Variants in TTC28 observed in about 807,000 individuals in gnomAD.
TTC28 encodes tetratricopeptide repeat protein 28.
A neutral mutation model predicts 198.0 loss-of-function variants in TTC28; 61 were observed. That is an observed-to-expected ratio of 0.31 (90% CI 0.25 to 0.38). TTC28 has a LOEUF of 0.38. Among genes scored for constraint, TTC28 ranks in the 10% least tolerant of loss-of-function variants. The pLI, the probability that TTC28 is intolerant of heterozygous loss-of-function variation, is 1.00. For synonymous variants in TTC28, 1,171 were observed against 1,297.8 expected (o/e 0.90, Z 2.10); for missense variants, 2,678 against 3,164.0 (o/e 0.85, Z 3.69).
chr22:28,393,028 C>G (rs1330500023), intron 2 of TTC28, among the ~76,000 whole-genome samples: 4 of 152,030 alleles, frequency 2.6e-5, no homozygotes, highest in Non-Finnish European at 5.9e-5. Context: ...AGGTGCAAAC[C>G]ACTATACCCA....
intron 2 of TTC28, among the ~76,000 whole-genome samples, chr22:28,459,072 A>C (rs941228763): frequency 2.0e-5 from 3 of 151,910 alleles, no homozygotes; most frequent in African/African-American, 7.3e-5. Context: ...GGTAGTATTA[A>C]GTGTTTGAGT....
At chr22:28,164,509 C>A (rs536106805) in intron 5 of TTC28, among the ~76,000 whole-genome samples, 4 of 152,334 alleles carry the variant, frequency 2.6e-5, no homozygotes, top group African/African-American at 7.2e-5. Flanking sequence ...TCTACAGCCA[C>A]TGCTGCTGAT....
At chr22:28,547,215 A>AGTGT (rs113464807) in intron 2 of TTC28, among the ~76,000 whole-genome samples, 14 of 149,596 alleles carry the variant, frequency 9.4e-5, no homozygotes, top group East Asian at 2.0e-4. Flanking sequence ...TGTGTGTGTG[A>AGTGT]GTGTGTGTGT....
intron 2 of TTC28, among the ~76,000 whole-genome samples, chr22:28,586,550 T>G (rs1428173310): frequency 6.6e-6 from 1 of 152,008 alleles, no homozygotes; most frequent in Non-Finnish European, 1.5e-5. Flanking sequence ...ACAGATGAAA[T>G]TAAAACCTGA....
chr22:28,638,006 T>C (rs1159278798), intron 1 of TTC28, among the ~76,000 whole-genome samples: 2 of 152,176 alleles, frequency 1.3e-5, no homozygotes, highest in East Asian at 3.8e-4. Flanking sequence ...TAAGAGGGTT[T>C]AATTATAAAT....
At position 28,037,403 on chromosome 22, in the gene TTC28, C is replaced by G. The variant is rs545178588; in HGVS notation, c.3933-7037G>C. Among the ~76,000 whole-genome samples, 33 of 152,240 alleles carry G rather than the reference C, an allele frequency of 2.2e-4. No individual in the cohort carries two copies. In the East Asian group the frequency reaches 5.8e-3, roughly 27 times the overall value. ...AACGTAATCCAGCATATAAACAGAA[C>G]CAATGACAAAAACCACATGATTATC... On this transcript the variant is annotated intron_variant, in intron 12 of 22. Transcript: ENST00000397906.
At chr22:28,551,973 A>G (rs902229380) in intron 2 of TTC28, among the ~76,000 whole-genome samples, 1 of 152,196 alleles carries the variant, frequency 6.6e-6, no homozygotes, top group African/African-American at 2.4e-5. Context: ...ATATACCTAG[A>G]GAACCCTCAA....
At chr22:28,520,569 C>T (rs1428003816) in intron 2 of TTC28, among the ~76,000 whole-genome samples, 7 of 152,122 alleles carry the variant, frequency 4.6e-5, no homozygotes, top group Non-Finnish European at 7.3e-5. Context: ...ATCAAGTGAC[C>T]TTGTCTCTAC....
intron 2 of TTC28, among the ~76,000 whole-genome samples, chr22:28,318,470 G>T (rs2045388224): frequency 6.6e-6 from 1 of 152,114 alleles, no homozygotes; most frequent in African/African-American, 2.4e-5. Flanking sequence ...GAAACCCACT[G>T]CTTGCTTGTT....
intron 5 of TTC28, among the ~76,000 whole-genome samples, chr22:28,191,731 G>A (rs184553719): frequency 1.3e-5 from 2 of 152,274 alleles, no homozygotes; most frequent in East Asian, 1.9e-4. Context: ...AGGTGGAAGC[G>A]AGGCTGGGGG....
chr22:28,099,205 G>C (rs1942067414), intron 9 of TTC28, among the ~76,000 whole-genome samples, 161 bp from the exon 10 acceptor site: 1 of 152,208 alleles, frequency 6.6e-6, no homozygotes, highest in Non-Finnish European at 1.5e-5. Context: ...AAAAATGGAT[G>C]TGCTGCGGTC....
Position 28,639,326 on chromosome 22 carries a change from T to C in TTC28, c.103-9496A>G, listed in dbSNP as rs184913269. ...AAAGGCAGAAGAAATTGTATCAGTT[T>C]ACACTTCTACCAACAATTTATGAGT... On this transcript the variant is annotated intron_variant, in intron 1 of 22. Coordinates refer to ENST00000397906, the MANE Select transcript of TTC28 (RefSeq NM_001145418.2). Among the ~76,000 whole-genome samples the C allele has an allele frequency of 2.0e-5, 3 of 152,374 alleles. No homozygotes were observed. In the East Asian group the frequency reaches 5.8e-4, roughly 29 times the overall value.
At chr22:28,079,661 T>C (rs988113456) in intron 12 of TTC28, among the ~76,000 whole-genome samples, 2 of 152,184 alleles carry the variant, frequency 1.3e-5, no homozygotes, top group African/African-American at 4.8e-5. Flanking sequence ...TTCTTTGTGA[T>C]TGGCTCATTT....
chr22:28,563,204 A>T (rs2049917754), intron 2 of TTC28, among the ~76,000 whole-genome samples: 1 of 152,206 alleles, frequency 6.6e-6, no homozygotes, highest in African/African-American at 2.4e-5. Context: ...ACATTTTTTT[A>T]AAGTTTTTTG....
At chr22:28,211,702 G>A (rs1235109555) in intron 5 of TTC28, among the ~76,000 whole-genome samples, 2 of 152,036 alleles carry the variant, frequency 1.3e-5, no homozygotes, top group Non-Finnish European at 2.9e-5. Context: ...ACACCCCACT[G>A]TCAACATTAG....
chr22:28,602,078 A>C (rs1016761096), intron 2 of TTC28, among the ~76,000 whole-genome samples: 3 of 152,314 alleles, frequency 2.0e-5, no homozygotes, highest in Non-Finnish European at 4.4e-5. Flanking sequence ...ACTAGCAGCA[A>C]TGAACTGCAG....
At chr22:28,098,629 C>T (rs1409009883) in intron 10 of TTC28, among the ~76,000 whole-genome samples, 1 of 151,992 alleles carries the variant, frequency 6.6e-6, no homozygotes, top group African/African-American at 2.4e-5. Flanking sequence ...CTGTACTGGA[C>T]TCACTGACTT....
intron 2 of TTC28, among the ~76,000 whole-genome samples, chr22:28,508,061 T>C (rs1302019143): frequency 6.6e-6 from 1 of 152,068 alleles, no homozygotes; most frequent in East Asian, 1.9e-4. Flanking sequence ...ATAACAATAC[T>C]AAACTTAAAT....
At chr22:28,102,234 C>G (rs912418881) in intron 8 of TTC28, among the ~76,000 whole-genome samples, 4 of 152,190 alleles carry the variant, frequency 2.6e-5, no homozygotes, top group Non-Finnish European at 5.9e-5. Flanking sequence ...ACAGCCTGAC[C>G]CTGCCTTCTG....
Sources: gnomAD v4.1 joint callset for allele counts (sites outside exome capture counted in the v4.1 genomes callset) on GRCh38, gnomAD v4.1.1 for gene constraint, MANE v1.5 for transcripts, NCBI Gene and HGNC (gene_info 2026-07-23, HGNC 2026-07-21) for gene names.